Variants in STK24 observed in about 807,000 individuals in gnomAD.
The protein encoded by STK24 is serine/threonine kinase 24.
STK24 carries 21 observed loss-of-function variants against 55.6 expected under a neutral mutation model. The observed-to-expected ratio is 0.38, with a 90% CI of 0.27 to 0.54. STK24 has a LOEUF of 0.54. Among genes scored for constraint, STK24 ranks in the 20% least tolerant of loss-of-function variants. The pLI is 0.79. For synonymous variants in STK24, 200 were observed against 215.2 expected (o/e 0.93, Z 0.62); for missense variants, 383 against 538.4 (o/e 0.71, Z 2.86).
intron 1 of STK24, 80 bp downstream of exon 1, chr13:98,576,665 G>C (rs1480552195): frequency 1.5e-5 from 19 of 1,272,354 alleles, no homozygotes; most frequent in Non-Finnish European, 2.0e-5. Context: ...CTGAGCGTAG[G>C]GGGACGCCGT....
chr13:98,541,544 T>C (rs1164685156), intron 1 of STK24, among the ~76,000 whole-genome samples: 2 of 152,248 alleles, frequency 1.3e-5, no homozygotes, highest in African/African-American at 2.4e-5. Context: ...AGGAAAATTA[T>C]AACCTAATTT....
At chr13:98,453,261 T>C in intron 10 of STK24, 52 bp from the exon 11 acceptor site, 8 of 1,577,218 alleles carry the variant, frequency 5.1e-6, no homozygotes, top group Non-Finnish European at 6.9e-6. Flanking sequence ...CTCATCCCTG[T>C]GCAAAAATTC....
rs112932644 is a variant in STK24, at chr13:98,445,366, C to G, written c.*7807G>C. On this transcript the variant is annotated 3_prime_UTR_variant, in exon 11 of 11. Transcript: ENST00000539966. ...CGAAATGAGCCACCAGTGCGTCAGG[C>G]CTGCTCAGAGTTGTTTGGAGGTAGC... 2,356 of 152,360 alleles carry G rather than the reference C, an allele frequency of 0.015. 78 individuals carry two copies. Among genetic ancestry groups the G allele is most frequent in the African/African-American group, 0.053 (2,200 of 41,564 alleles). 9.4% of individuals were successfully genotyped at this position (152,360 alleles called of 1,614,324 possible).
rs1894812776 is a variant in STK24 at position 98,486,523 on chromosome 13, C to G, written c.274-4202G>C. On this transcript the variant is annotated intron_variant, in intron 2 of 10. Coordinates refer to ENST00000539966, the MANE Select transcript of STK24 (RefSeq NM_001032296.4). ...CCTTCACAGCCACACCAGGGATCCT[C>G]CACCCCAGCACTGACTTTTGGAGCT... 2.6e-5 allele frequency among the ~76,000 whole-genome samples: 4 copies of G among 152,318 alleles called. No individual in the cohort carries two copies. The South Asian group carries it at 8.3e-4, about 32-fold the overall frequency.
At chr13:98,492,081 G>A (rs1895061922) in intron 2 of STK24, among the ~76,000 whole-genome samples, 1 of 25,148 alleles carries the variant, frequency 4.0e-5, no homozygotes, top group Non-Finnish European at 1.3e-4. Context: ...GTGCGCGTGT[G>A]TGTGTGTGTG....
chr13:98,497,756 C>T (rs7338502), intron 2 of STK24, among the ~76,000 whole-genome samples: 9,766 of 152,274 alleles, frequency 0.064, 391 homozygotes, highest in South Asian at 0.12. Flanking sequence ...TTCCTCCCAT[C>T]CCTGGCGCAG....
chr13:98,535,368 A>C (rs200808018), intron 1 of STK24, among the ~76,000 whole-genome samples: 15 of 48,936 alleles, frequency 3.1e-4, no homozygotes, highest in South Asian at 1.4e-3. Context: ...AAACAAAAAA[A>C]AAATATATAT....
chr13:98,501,411 G>A (rs1186685479), intron 2 of STK24, among the ~76,000 whole-genome samples: 4 of 152,224 alleles, frequency 2.6e-5, no homozygotes, highest in Non-Finnish European at 5.9e-5. Context: ...GACTCCAGAA[G>A]AGAGCCCCAG....
intron 2 of STK24, among the ~76,000 whole-genome samples, chr13:98,485,692 G>A (rs939291759): frequency 4.6e-5 from 7 of 152,222 alleles, no homozygotes; most frequent in African/African-American, 1.7e-4. Flanking sequence ...GCCCAGGAAT[G>A]AACAAGGACA....
chr13:98,469,541 C>CTG (rs570400434), intron 5 of STK24, among the ~76,000 whole-genome samples: 1 of 135,670 alleles, frequency 7.4e-6, no homozygotes, highest in Non-Finnish European at 1.7e-5. Context: ...GCATCCCCCC[C>CTG]CCCAAAAAAA....
At position 98,460,473 on chromosome 13, in the gene STK24, A is replaced by T. The variant is rs551801445; in HGVS notation, c.1054-33T>A. 5.7e-6 allele frequency: 9 copies of T among 1,580,648 alleles called. No individual in the cohort carries two copies. The South Asian group carries it at 6.7e-5, about 12-fold the overall frequency. On this transcript the variant is annotated intron_variant, in intron 8 of 10. Transcript: ENST00000539966. ...GAGAGGGAAAAAAAGGTCATCAGAAACAGTTGACGTTCACATTGGCAATAA... is the reference window on the plus strand; with the variant it reads ...GAGAGGGAAAAAAAGGTCATCAGAATCAGTTGACGTTCACATTGGCAATAA...
intron 2 of STK24, among the ~76,000 whole-genome samples, chr13:98,492,272 T>G (rs548675882): frequency 2.8e-4 from 42 of 151,578 alleles, no homozygotes; most frequent in Non-Finnish European, 3.1e-4. Flanking sequence ...GAGGAAGAGG[T>G]TCCTATTAAG....
In STK24 at chr13:98,447,972, C is replaced by T. The variant is rs1017044821; in HGVS notation, c.*5201G>A. ...TCTCCCCAGCAACCAGAGGCCACCT[C>T]GCTCCTAACTGCTCCAATGGAGCGG... On this transcript the variant is annotated 3_prime_UTR_variant, in exon 11 of 11. Transcript: ENST00000539966. 5.7e-5 allele frequency: 29 copies of T among 504,664 alleles called. 1 individual carries two copies. Among genetic ancestry groups the T allele is most frequent in the African/African-American group, 2.9e-4 (15 of 50,918 alleles). The allele number at this position is 504,664 out of a possible 1,614,324, so 31.3% of individuals were successfully genotyped here. A position where few individuals can be genotyped will look rare whatever the true frequency, so the allele number is the denominator to read the frequency against.
chr13:98,535,370 AAT>A (rs71111959), intron 1 of STK24, among the ~76,000 whole-genome samples: 1,762 of 55,918 alleles, frequency 0.032, 24 homozygotes, highest in Non-Finnish European at 0.058. Flanking sequence ...ACAAAAAAAA[AAT>A]ATATATATAT....
chr13:98,475,334 T>C lies in STK24; in HGVS notation c.355A>G (p.Thr119Ala). The C allele has an allele frequency of 1.2e-6, 2 of 1,612,388 alleles. No homozygotes were observed. Among genetic ancestry groups the C allele is most frequent in the Non-Finnish European group, 1.7e-6 (2 of 1,179,422 alleles). The stretch of plus-strand genomic sequence containing the variant: ...TCTCTTAATATAGTAGCGATCTGGG[T>C]TTCATCTAATGGGCCAGGTTCTAAC... ...DLLEPGPLDETQIATILREIL... is the reference protein window; with the variant it reads ...DLLEPGPLDEAQIATILREIL... The change falls in exon 4 of 11, where the codon ACC (threonine) becomes GCC (alanine). Residue 119 changes from threonine to alanine, a missense_variant. By Grantham distance (58) the Thr-to-Ala change is moderately conservative. Coordinates refer to ENST00000539966, the MANE Select transcript of STK24 (RefSeq NM_001032296.4).
intron 1 of STK24, among the ~76,000 whole-genome samples, chr13:98,550,322 T>C (rs1339955864): frequency 6.6e-6 from 1 of 152,148 alleles, no homozygotes; most frequent in Non-Finnish European, 1.5e-5. Context: ...GAAGATCGCG[T>C]GAGCCCAGGA....
chr13:98,543,257 C>T (rs549464587), intron 1 of STK24, among the ~76,000 whole-genome samples: 8 of 152,316 alleles, frequency 5.3e-5, no homozygotes, highest in Middle Eastern at 3.4e-3. Context: ...TGTGCTCCCG[C>T]GGCTGGACCT....
In STK24 at chr13:98,577,030, C is replaced by T. The variant is rs756504807; in HGVS notation, c.-244G>A. ...CGCAGGGCCTCGCGCGCACTGCCGC[C>T]GCCGCCGCTGCTGCCGCTACTGCTG... On this transcript the variant is annotated 5_prime_UTR_variant, in exon 1 of 11. Coordinates refer to ENST00000539966, the MANE Select transcript of STK24 (RefSeq NM_001032296.4). The surrounding 1 kb of genome is among the most constrained non-coding windows in gnomAD (Gnocchi z 4.1). The T allele has an allele frequency of 6.8e-6, 1 of 147,692 alleles. No homozygotes were observed. The highest frequency in any genetic ancestry group is 1.5e-5 in the Non-Finnish European group (1 of 67,054). 9.1% of individuals were successfully genotyped at this position (147,692 alleles called of 1,614,324 possible).
chr13:98,500,780 T>C (rs1895427441), intron 2 of STK24, among the ~76,000 whole-genome samples: 1 of 152,036 alleles, frequency 6.6e-6, no homozygotes, highest in South Asian at 2.1e-4. Flanking sequence ...CACAGGCAAG[T>C]GCTGGGTAGG....
Sources: gnomAD v4.1 joint callset for allele counts (sites outside exome capture counted in the v4.1 genomes callset) on GRCh38, gnomAD v4.1.1 for gene constraint, Gnocchi (gnomAD v3.1) non-coding constraint, MANE v1.5 for transcripts, NCBI Gene and HGNC (gene_info 2026-07-23, HGNC 2026-07-21) for gene names.